ZC3H12B: variants seen among roughly 807,000 people sequenced by gnomAD.
ZC3H12B encodes the protein probable ribonuclease ZC3H12B.
Under a neutral mutation model 43.9 loss-of-function variants are expected in ZC3H12B, and 7 were observed. The ratio of observed to expected loss-of-function variants is 0.16; its 90% CI spans 0.09 to 0.30. ZC3H12B has a LOEUF of 0.30. ZC3H12B is among the 10% of genes least tolerant of loss of function. ZC3H12B has a pLI of 1.00. For missense variants in ZC3H12B, 475 were observed against 670.2 expected (o/e 0.71, Z 3.22); for synonymous variants, 222 against 241.7 (o/e 0.92, Z 0.76).
the ZC3H12B span, among the ~76,000 whole-genome samples, chrX:65,083,755 C>T: frequency 1.8e-5 from 2 of 111,598 alleles, no homozygotes; most frequent in East Asian, 5.6e-4. Flanking sequence ...AAAATACAAT[C>T]CTAAATTTTA....
At chrX:65,493,414 G>T (rs901092872) in intron 1 of ZC3H12B, among the ~76,000 whole-genome samples, 1 of 111,407 alleles carries the variant, frequency 9.0e-6, no homozygotes, top group Non-Finnish European at 1.9e-5. Flanking sequence ...ATGATGCTTC[G>T]TTTGCCATTA....
chrX:65,058,415 C>G, the ZC3H12B span, among the ~76,000 whole-genome samples: 1 of 112,113 alleles, frequency 8.9e-6, no homozygotes. Context: ...GCAAATGTTG[C>G]TGCCTGATAG....
At chrX:65,335,377 C>T in the ZC3H12B span, among the ~76,000 whole-genome samples, 1 of 111,814 alleles carries the variant, frequency 8.9e-6, no homozygotes, top group Non-Finnish European at 1.9e-5. Flanking sequence ...CAACTTTAGC[C>T]AGGCCAAACA....
chrX:65,411,004 C>T (rs1289217054), intron 3 of ZC3H12B, among the ~76,000 whole-genome samples: 3 of 112,456 alleles, frequency 2.7e-5, no homozygotes. Flanking sequence ...GATATCTGCA[C>T]TCCCATGTTT....
the ZC3H12B span, among the ~76,000 whole-genome samples, chrX:65,095,589 C>G: frequency 9.0e-6 from 1 of 111,395 alleles, no homozygotes; most frequent in Non-Finnish European, 1.9e-5. Context: ...CAATGAAGAT[C>G]AAAGAGAAAT....
rs1031199522 is a variant in ZC3H12B at position 65,377,319 on chromosome X, G to A, written n.295+8321G>A. Reference sequence around the variant, plus strand: ...TAAGAGTTATTGGCCTTAAAGAGGAGGTAGAGAAAGAGATATGATTAGAGA... The same window carrying A: ...TAAGAGTTATTGGCCTTAAAGAGGAAGTAGAGAAAGAGATATGATTAGAGA... On this transcript the variant is annotated intron_variant and non_coding_transcript_variant, in intron 2 of 5. Transcript: ENST00000617377. Among the ~76,000 whole-genome samples the A allele has an allele frequency of 7.3e-5, 8 of 110,010 alleles. No individual in the cohort carries two copies. The Admixed American group carries it at 7.9e-4, about 11-fold the overall frequency.
the ZC3H12B span, among the ~76,000 whole-genome samples, chrX:65,130,680 AATG>A: frequency 8.9e-6 from 1 of 111,873 alleles, no homozygotes; most frequent in Non-Finnish European, 1.9e-5. Context: ...GACGTTATGA[AATG>A]ATGACAGAAT....
At chrX:65,174,231 T>C in the ZC3H12B span, among the ~76,000 whole-genome samples, 1 of 112,221 alleles carries the variant, frequency 8.9e-6, no homozygotes, top group Non-Finnish European at 1.9e-5. Context: ...GGGATGCACT[T>C]GGACATCAGG....
At chrX:65,061,006 T>C in the ZC3H12B span, among the ~76,000 whole-genome samples, 1 of 111,912 alleles carries the variant, frequency 8.9e-6, no homozygotes, top group Non-Finnish European at 1.9e-5. Context: ...GTTGTATATA[T>C]CTAGGAATTT....
At chrX:65,305,668 T>G in the ZC3H12B span, among the ~76,000 whole-genome samples, 1 of 112,316 alleles carries the variant, frequency 8.9e-6, no homozygotes, top group Non-Finnish European at 1.9e-5. Context: ...TGTTATGTTA[T>G]TATTTGTTAT....
At chrX:65,158,760 G>C in the ZC3H12B span, among the ~76,000 whole-genome samples, 1 of 111,842 alleles carries the variant, frequency 8.9e-6, no homozygotes, top group African/African-American at 3.2e-5. Flanking sequence ...TTGCTGTGCA[G>C]AAGCTCTTTA....
At chrX:65,456,124 A>G (rs1057466876) in intron 3 of ZC3H12B, among the ~76,000 whole-genome samples, 2 of 111,419 alleles carry the variant, frequency 1.8e-5, no homozygotes, top group African/African-American at 3.3e-5. Context: ...TTCACACATA[A>G]CAATATTAAC....
the ZC3H12B span, among the ~76,000 whole-genome samples, chrX:65,118,773 G>T: frequency 2.4e-4 from 26 of 107,979 alleles, no homozygotes; most frequent in Admixed American, 9.9e-5. Context: ...TTAACATTAG[G>T]TATATGTCCT....
chrX:65,081,562 T>A, the ZC3H12B span, among the ~76,000 whole-genome samples: 5 of 111,482 alleles, frequency 4.5e-5, no homozygotes, highest in African/African-American at 1.3e-4. Flanking sequence ...GATAAAGGGG[T>A]CAATTCAACA....
At chrX:65,039,238 G>A in the ZC3H12B span, among the ~76,000 whole-genome samples, 1 of 111,781 alleles carries the variant, frequency 8.9e-6, no homozygotes, top group Non-Finnish European at 1.9e-5. Flanking sequence ...GTATCGGAAA[G>A]TTCCCTTGTA....
At chrX:65,390,263 G>A (rs1051578654) in intron 2 of ZC3H12B, among the ~76,000 whole-genome samples, 9 of 110,755 alleles carry the variant, frequency 8.1e-5, no homozygotes, top group African/African-American at 3.0e-4. Context: ...TCATAGGGTA[G>A]GGGGAGGGGG....
At chrX:65,424,701 C>T (rs5964971) in intron 3 of ZC3H12B, among the ~76,000 whole-genome samples, 1 of 111,235 alleles carries the variant, frequency 9.0e-6, no homozygotes, top group Non-Finnish European at 1.9e-5. Flanking sequence ...CCAGTTCTCC[C>T]AGAACAATTT....
the ZC3H12B span, among the ~76,000 whole-genome samples, chrX:65,140,349 T>A: frequency 9.0e-6 from 1 of 111,692 alleles, no homozygotes; most frequent in African/African-American, 3.2e-5. Flanking sequence ...TCTATTTAGA[T>A]GATCAACTGG....
intron 3 of ZC3H12B, among the ~76,000 whole-genome samples, chrX:65,403,363 T>G (rs1336269151): frequency 9.0e-6 from 1 of 111,493 alleles, no homozygotes; most frequent in East Asian, 2.8e-4. Context: ...TTAAGAGTTA[T>G]TGGCCTTAAA....
Sources: gnomAD v4.1 joint callset for allele counts (sites outside exome capture counted in the v4.1 genomes callset) on GRCh38, gnomAD v4.1.1 for gene constraint, MANE v1.5 for transcripts, NCBI Gene and HGNC (gene_info 2026-07-23, HGNC 2026-07-21) for gene names.